The following IL34 variants were observed in gnomAD, a reference collection of about 807,000 sequenced individuals.
IL34 encodes interleukin 34, also known as interleukin-34.
IL34 carries 17 observed loss-of-function variants against 25.3 expected under a neutral mutation model. The ratio of observed to expected loss-of-function variants is 0.67; its 90% CI spans 0.46 to 1.01. The LOEUF (loss-of-function observed/expected upper bound fraction) is 1.01, where lower values mean the gene tolerates loss of function less well. IL34 is among the 50% of genes least tolerant of loss of function. The pLI is 0.00. For synonymous variants in IL34, 174 were observed against 140.9 expected (o/e 1.23, Z -1.66); for missense variants, 368 against 312.9 (o/e 1.18, Z -1.33).
At chr16:70,632,887 T>G (rs968370597) in intron 1 of IL34, among the ~76,000 whole-genome samples, 1 of 152,230 alleles carries the variant, frequency 6.6e-6, no homozygotes, top group Non-Finnish European at 1.5e-5. Flanking sequence ...ACCAGCTTGC[T>G]GTTTCCAACC....
At chr16:70,646,130 G>A (rs954763918), upstream of IL34, among the ~76,000 whole-genome samples, 3 of 151,360 alleles carry the variant, frequency 2.0e-5, no homozygotes, top group Non-Finnish European at 2.9e-5. Flanking sequence ...GGCTGGTCTC[G>A]AACTCCTGGG....
chr16:70,598,208 G>A (rs74024403), intron 1 of IL34, among the ~76,000 whole-genome samples: 1,831 of 152,032 alleles, frequency 0.012, 41 homozygotes, highest in African/African-American at 0.042. Flanking sequence ...CAAACCGTCT[G>A]CCCCCCAGAA....
intron 1 of IL34, among the ~76,000 whole-genome samples, chr16:70,608,013 C>T (rs559763429): frequency 7.2e-4 from 109 of 152,190 alleles, no homozygotes; most frequent in African/African-American, 2.4e-3. Flanking sequence ...GGTGATCTGC[C>T]GGCCTCGGCT....
chr16:70,605,434 G>C (rs2050988341), intron 1 of IL34, among the ~76,000 whole-genome samples: 1 of 152,148 alleles, frequency 6.6e-6, no homozygotes, highest in African/African-American at 2.4e-5. Context: ...CATTCACTGT[G>C]TTGTGTAATC....
In IL34 at chr16:70,595,064, C is replaced by A. The variant is rs377766412; in HGVS notation, c.-401+15015C>A. Among the ~76,000 whole-genome samples, 56 of 151,848 alleles carry A rather than the reference C, an allele frequency of 3.7e-4. No individual in the cohort carries two copies. In the South Asian group the frequency reaches 0.011, roughly 30 times the overall value. On this transcript the variant is annotated intron_variant, in intron 1 of 6. Coordinates refer to the IL34 transcript ENST00000429149. ...CTGCCTCCAGGGTTCAAGCAATTCTCCTGCCTCAGGCTCCCAAGTAGCTGG... is the reference window on the plus strand; with the variant it reads ...CTGCCTCCAGGGTTCAAGCAATTCTACTGCCTCAGGCTCCCAAGTAGCTGG...
intron 1 of IL34, among the ~76,000 whole-genome samples, chr16:70,607,324 G>A (rs764234998): frequency 3.9e-5 from 6 of 152,022 alleles, no homozygotes; most frequent in Non-Finnish European, 2.9e-5. Flanking sequence ...CAGGATGGTC[G>A]TGATGTCCTG....
chr16:70,637,795 T>C (rs1567457262), intron 1 of IL34, among the ~76,000 whole-genome samples: 1 of 152,190 alleles, frequency 6.6e-6, no homozygotes, highest in East Asian at 1.9e-4. Flanking sequence ...GACTGGGAGG[T>C]TTGATTCTCA....
intron 1 of IL34, among the ~76,000 whole-genome samples, chr16:70,600,443 C>T (rs972884837): frequency 6.6e-6 from 1 of 152,214 alleles, no homozygotes; most frequent in Non-Finnish European, 1.5e-5. Flanking sequence ...GCACATGGCA[C>T]CTGCTTACCA....
At chr16:70,608,132 T>C (rs200282273) in intron 1 of IL34, among the ~76,000 whole-genome samples, 1,689 of 146,806 alleles carry the variant, frequency 0.012, 91 homozygotes, top group Admixed American at 0.09. Context: ...TTTTCTTTTT[T>C]TTTTTTTTTT....
upstream of IL34, among the ~76,000 whole-genome samples, chr16:70,645,813 G>A (rs746887964): frequency 1.3e-5 from 2 of 152,154 alleles, no homozygotes; most frequent in African/African-American, 2.4e-5. Flanking sequence ...CAGCACTTTG[G>A]GAGGCCAAGA....
chr16:70,602,775 A>G (rs1325330377), intron 1 of IL34, among the ~76,000 whole-genome samples: 3 of 152,066 alleles, frequency 2.0e-5, no homozygotes, highest in African/African-American at 7.2e-5. Flanking sequence ...CCTGAGCTCA[A>G]GGGATCCTCC....
intron 1 of IL34, among the ~76,000 whole-genome samples, chr16:70,651,253 A>G (rs1483904468): frequency 2.6e-5 from 4 of 152,188 alleles, no homozygotes; most frequent in African/African-American, 4.8e-5. Flanking sequence ...AGCGCAGGGC[A>G]AAGCATGAGC....
At chr16:70,600,288 C>A (rs1345351027) in intron 1 of IL34, among the ~76,000 whole-genome samples, 1 of 152,190 alleles carries the variant, frequency 6.6e-6, no homozygotes, top group East Asian at 1.9e-4. Context: ...CTTCTCCAAT[C>A]ACCTCTTTCA....
intron 1 of IL34, among the ~76,000 whole-genome samples, chr16:70,619,732 C>T (rs1447801999): frequency 2.0e-5 from 3 of 152,176 alleles, no homozygotes; most frequent in Non-Finnish European, 4.4e-5. Flanking sequence ...AGTCTTCAGC[C>T]GCTAAGCCGA....
chr16:70,630,134 C>G (rs1176541248), intron 1 of IL34, among the ~76,000 whole-genome samples: 2 of 152,202 alleles, frequency 1.3e-5, no homozygotes, highest in African/African-American at 2.4e-5. Flanking sequence ...GCTTATTTCA[C>G]TTAACATAAT....
At chr16:70,650,101 T>C (rs1280917846) in intron 1 of IL34, among the ~76,000 whole-genome samples, 1 of 152,150 alleles carries the variant, frequency 6.6e-6, no homozygotes, top group African/African-American at 2.4e-5. Flanking sequence ...GCCCAGCCTG[T>C]GTTGTGGGTT....
intron 1 of IL34, among the ~76,000 whole-genome samples, chr16:70,647,336 G>C (rs1373244805): frequency 1.3e-5 from 2 of 152,210 alleles, no homozygotes; most frequent in Non-Finnish European, 2.9e-5. Flanking sequence ...CCGGTGGAGG[G>C]GGGCAGGGGC....
intron 1 of IL34, among the ~76,000 whole-genome samples, chr16:70,647,608 T>G (rs2051972015): frequency 1.3e-5 from 2 of 152,152 alleles, no homozygotes; most frequent in South Asian, 4.1e-4. Flanking sequence ...TGACTCAAAT[T>G]CAACACATTT....
chr16:70,612,677 A>G (rs1318333077), intron 1 of IL34, among the ~76,000 whole-genome samples: 1 of 152,248 alleles, frequency 6.6e-6, no homozygotes, highest in Non-Finnish European at 1.5e-5. Context: ...AGTGAGTTGG[A>G]AAAACGCACA....
Sources: allele counts gnomAD v4.1 joint callset (sites outside exome capture counted in the v4.1 genomes callset), GRCh38; gene constraint gnomAD v4.1.1; transcripts MANE v1.5; gene names NCBI Gene and HGNC (gene_info 2026-07-23, HGNC 2026-07-21).